GABBR2: variants seen among roughly 807,000 people sequenced by gnomAD.
GABBR2 encodes G-protein coupled receptor 51.
Under a neutral mutation model 105.6 loss-of-function variants are expected in GABBR2, and 23 were observed. The ratio of observed to expected loss-of-function variants is 0.22; its 90% confidence interval spans 0.16 to 0.31. The LOEUF (loss-of-function observed/expected upper bound fraction) is 0.31. Among genes scored for constraint, GABBR2 ranks in the 10% least tolerant of loss-of-function variants. The pLI, the probability that GABBR2 is intolerant of heterozygous loss-of-function variation, is 1.00. For missense variants in GABBR2, 734 were observed against 1,245.5 expected (o/e 0.59, Z 6.18); for synonymous variants, 478 against 499.7 (o/e 0.96, Z 0.58).
At chr9:98,404,159 A>G (rs982296539) in intron 8 of GABBR2, among the ~76,000 whole-genome samples, 2 of 151,946 alleles carry the variant, frequency 1.3e-5, no homozygotes, top group Non-Finnish European at 2.9e-5. Flanking sequence ...TATAATTTTG[A>G]GAACTGGAAA....
At chr9:98,631,156 T>G (rs1001463738) in intron 1 of GABBR2, among the ~76,000 whole-genome samples, 2 of 152,118 alleles carry the variant, frequency 1.3e-5, no homozygotes, top group Non-Finnish European at 2.9e-5. Flanking sequence ...CTTCCAAAAT[T>G]AGACTGAGTT....
chr9:98,625,577 G>A (rs1482675355), intron 1 of GABBR2, among the ~76,000 whole-genome samples: 1 of 152,212 alleles, frequency 6.6e-6, no homozygotes, highest in African/African-American at 2.4e-5. Context: ...GCTGCTGAGA[G>A]TGTCAAATGA....
At chr9:98,590,251 G>A (rs963389299) in intron 1 of GABBR2, among the ~76,000 whole-genome samples, 4 of 152,170 alleles carry the variant, frequency 2.6e-5, no homozygotes, top group South Asian at 2.1e-4. Context: ...CTTCCCCGGG[G>A]TGATGGACAG....
intron 3 of GABBR2, among the ~76,000 whole-genome samples, chr9:98,497,442 G>C (rs1827304363): frequency 6.6e-6 from 1 of 151,720 alleles, no homozygotes; most frequent in Non-Finnish European, 1.5e-5. Flanking sequence ...AAAAAAGAAA[G>C]TAAGGATCAA....
intron 1 of GABBR2, among the ~76,000 whole-genome samples, chr9:98,673,336 T>C (rs1830430501): frequency 2.0e-5 from 3 of 152,202 alleles, no homozygotes. Context: ...CAGCACTTTT[T>C]ATACCAAGAA....
At chr9:98,581,505 G>C (rs924026617) in intron 1 of GABBR2, among the ~76,000 whole-genome samples, 1 of 100,814 alleles carries the variant, frequency 9.9e-6, no homozygotes, top group Non-Finnish European at 2.4e-5. Flanking sequence ...AAGAGAGGGA[G>C]GGAGGGAGGG....
At position 98,673,907 on chromosome 9, in the gene GABBR2, T is replaced by C. The variant is rs995699913; in HGVS notation, c.321+34510A>G. On this transcript the variant is annotated intron_variant, in intron 1 of 18. Coordinates refer to ENST00000259455, the MANE Select transcript of GABBR2 (RefSeq NM_005458.8). ...GCCCTGTTGAGGAGGAGATAAATGA[T>C]AATGGTTTTTTTTAAGGGCAAAGCC... Among the ~76,000 whole-genome samples the C allele has an allele frequency of 2.0e-5, 3 of 152,260 alleles. No homozygotes were observed. In the East Asian group the frequency reaches 5.8e-4, roughly 29 times the overall value.
At chr9:98,648,116 T>TATAGATAG (rs1554723458) in intron 1 of GABBR2, among the ~76,000 whole-genome samples, 725 of 55,914 alleles carry the variant, frequency 0.013, 36 homozygotes, top group East Asian at 0.081. Context: ...TGTGTGTGTG[T>TATAGATAG]ATAGATAGAT....
intron 1 of GABBR2, among the ~76,000 whole-genome samples, chr9:98,688,049 A>G (rs1429181532): frequency 1.3e-5 from 2 of 152,160 alleles, no homozygotes; most frequent in Non-Finnish European, 2.9e-5. Context: ...ACACACACTG[A>G]GCAGCAGACC....
intron 3 of GABBR2, among the ~76,000 whole-genome samples, chr9:98,531,159 C>A (rs1235306295): frequency 6.6e-6 from 1 of 152,162 alleles, no homozygotes; most frequent in Non-Finnish European, 1.5e-5. Context: ...ATATCACATG[C>A]CCTCTTGAGC....
intron 3 of GABBR2, among the ~76,000 whole-genome samples, chr9:98,528,060 T>C (rs970522187): frequency 8.5e-5 from 13 of 152,180 alleles, no homozygotes; most frequent in Non-Finnish European, 1.8e-4. Flanking sequence ...TTAAATAAAA[T>C]ATATTATTAA....
intron 7 of GABBR2, among the ~76,000 whole-genome samples, chr9:98,428,106 A>C (rs1308604111): frequency 1.4e-4 from 21 of 152,236 alleles, no homozygotes; most frequent in Non-Finnish European, 1.5e-5. Context: ...ACAGATAACT[A>C]ATACAGGGCC....
intron 16 of GABBR2, among the ~76,000 whole-genome samples, chr9:98,301,741 A>G (rs1830472663): frequency 1.3e-5 from 2 of 152,218 alleles, no homozygotes. Context: ...GTGTGCAAGT[A>G]GAAGTGAAAT....
intron 13 of GABBR2, among the ~76,000 whole-genome samples, chr9:98,345,445 A>AACTATT (rs1271355064): frequency 2.0e-5 from 3 of 152,188 alleles, no homozygotes; most frequent in Admixed American, 6.5e-5. Flanking sequence ...AACTATTCAA[A>AACTATT]ACTATTTCAT....
chr9:98,420,447 G>A (rs1362136091), intron 7 of GABBR2, among the ~76,000 whole-genome samples: 1 of 150,562 alleles, frequency 6.6e-6, no homozygotes, highest in East Asian at 2.0e-4. Context: ...GTGAAGCGCT[G>A]GGTTCATGCA....
At chr9:98,414,488 A>G (rs558360383) in intron 7 of GABBR2, among the ~76,000 whole-genome samples, 1 of 152,370 alleles carries the variant, frequency 6.6e-6, no homozygotes. Context: ...AGCTATGCCA[A>G]GGATGCTGAG....
chr9:98,363,576 A>G (rs1831625304), intron 12 of GABBR2, among the ~76,000 whole-genome samples: 1 of 152,134 alleles, frequency 6.6e-6, no homozygotes, highest in Non-Finnish European at 1.5e-5. Context: ...AAGCTATATA[A>G]AGTTGTATAC....
chr9:98,662,138 C>T (rs1347635227), intron 1 of GABBR2, among the ~76,000 whole-genome samples: 1 of 152,188 alleles, frequency 6.6e-6, no homozygotes, highest in Admixed American at 6.5e-5. Context: ...GGAATCCAAC[C>T]TAAGGAACTG....
rs267602049 is a variant in GABBR2, at chr9:98,306,228, C to T, written c.2122G>A (p.Ala708Thr). Residue 708 changes from alanine (A) to threonine (T), a missense_variant, in exon 15 of 19, where the codon GCT becomes ACT. Around this residue, in one of 7 missense-constraint regions of GABBR2, gnomAD observed 91 missense variants for 185.9 expected, o/e 0.49. Transcript: ENST00000259455. This position sits in a 1 kb window ranked among gnomAD's most constrained non-coding sequence, Gnocchi z 5.4. ...TGGTCCCGGGTCAGGAAGGAGACAG[C>T]GGCCCCGATGATGCACATGATCCCC... ...NVGIMCIIGA[A>T]VSFLTRDQPN... 3.7e-6 allele frequency: 6 copies of T among 1,614,038 alleles called. No individual in the cohort carries two copies. Among genetic ancestry groups the T allele is most frequent in the South Asian group, 1.1e-5 (1 of 91,060 alleles).
Sources: allele counts gnomAD v4.1 joint callset (sites outside exome capture counted in the v4.1 genomes callset), GRCh38; gene constraint gnomAD v4.1.1; regional missense constraint gnomAD v4.1.1; non-coding constraint Gnocchi (gnomAD v3.1); transcripts MANE v1.5; gene names NCBI Gene and HGNC (gene_info 2026-07-23, HGNC 2026-07-21).